The following DPP10 variants were observed in gnomAD, a reference collection of about 807,000 sequenced individuals.
The protein encoded by DPP10 is inactive dipeptidyl peptidase 10.
Under a neutral mutation model 120.9 loss-of-function variants are expected in DPP10, and 33 were observed. The observed-to-expected ratio is 0.27, with a 90% CI of 0.21 to 0.37. The LOEUF (loss-of-function observed/expected upper bound fraction) is 0.37, where lower values mean the gene tolerates loss of function less well. Ranked by LOEUF, DPP10 falls within the 10% of genes least tolerant of loss-of-function variation. The pLI, the probability that DPP10 is intolerant of heterozygous loss-of-function variation, is 1.00. For missense variants in DPP10, 816 were observed against 942.8 expected (o/e 0.87, Z 1.76); for synonymous variants, 337 against 326.1 (o/e 1.03, Z -0.36).
intron 3 of DPP10, among the ~76,000 whole-genome samples, chr2:115,473,686 C>T (rs921785975): frequency 6.6e-6 from 1 of 152,150 alleles, no homozygotes; most frequent in Non-Finnish European, 1.5e-5. Flanking sequence ...TTATGTAACA[C>T]TCTAGAAATC....
intron 3 of DPP10, among the ~76,000 whole-genome samples, chr2:115,480,579 C>T (rs1451379968): frequency 6.6e-6 from 1 of 152,018 alleles, no homozygotes; most frequent in African/African-American, 2.4e-5. Flanking sequence ...GTTATCTACC[C>T]TTTTATCATA....
intron 1 of DPP10, among the ~76,000 whole-genome samples, chr2:114,910,009 T>C (rs1170534375): frequency 6.6e-6 from 1 of 151,784 alleles, no homozygotes; most frequent in East Asian, 1.9e-4. Context: ...TCTATATCTA[T>C]ATATAAACAT....
intron 1 of DPP10, among the ~76,000 whole-genome samples, chr2:114,568,064 A>AG: frequency 6.6e-6 from 1 of 152,104 alleles, no homozygotes; most frequent in South Asian, 2.1e-4. Flanking sequence ...AAAAAAAAAA[A>AG]AAAGTGTCCA....
At chr2:115,162,355 C>T (rs2104975407) in intron 1 of DPP10, 1 of 1,392,910 alleles carries the variant, frequency 7.2e-7, no homozygotes, top group Non-Finnish European at 9.4e-7. Flanking sequence ...GGAATGGGGC[C>T]TCTTGGTTCC....
intron 1 of DPP10, among the ~76,000 whole-genome samples, chr2:114,505,267 G>C (rs1683548694): frequency 6.6e-6 from 1 of 150,514 alleles, no homozygotes; most frequent in Non-Finnish European, 1.5e-5. Flanking sequence ...AAGACAAAGG[G>C]ATTTGGGCTA....
At chr2:115,560,448 G>A (rs1362266703) in intron 5 of DPP10, among the ~76,000 whole-genome samples, 4 of 53,080 alleles carry the variant, frequency 7.5e-5, no homozygotes, top group African/African-American at 1.4e-4. Context: ...ATATATATAC[G>A]ACAAGCTACT....
chr2:114,857,816 T>C lies in DPP10; in HGVS notation c.60+414978T>C, dbSNP rs536452046. Among the ~76,000 whole-genome samples, 10 of 152,312 alleles carry C rather than the reference T, an allele frequency of 6.6e-5. 1 individual carries two copies. In the South Asian group the frequency reaches 2.1e-3, roughly 32 times the overall value. On this transcript the variant is annotated intron_variant, in intron 1 of 25. Coordinates refer to ENST00000410059, the MANE Select transcript of DPP10 (RefSeq NM_020868.6). ...TGGAGGTAAAAGTGATGAACTCTCC[T>C]AAGAAGCAATTGTCCTTACTTTAAT... is the stretch of plus-strand genomic sequence containing the variant.
At chr2:114,939,363 A>G (rs767965367) in intron 1 of DPP10, among the ~76,000 whole-genome samples, 1 of 152,106 alleles carries the variant, frequency 6.6e-6, no homozygotes, top group Non-Finnish European at 1.5e-5. Context: ...TATTTCGCTA[A>G]GTTGTGTACT....
chr2:115,506,179 A>G (rs916183621), intron 4 of DPP10, among the ~76,000 whole-genome samples: 8 of 152,112 alleles, frequency 5.3e-5, no homozygotes, highest in African/African-American at 1.9e-4. Flanking sequence ...TGCGTTGCCA[A>G]AACTTCTGCA....
At chr2:115,170,421 T>C (rs2053228646) in intron 1 of DPP10, among the ~76,000 whole-genome samples, 2 of 152,168 alleles carry the variant, frequency 1.3e-5, no homozygotes, top group Non-Finnish European at 2.9e-5. Context: ...TATATCTTTT[T>C]GAGAGGAAAA....
chr2:115,829,788 T>C (rs1052306478), intron 21 of DPP10, among the ~76,000 whole-genome samples: 2 of 152,098 alleles, frequency 1.3e-5, no homozygotes, highest in African/African-American at 4.8e-5. Flanking sequence ...AATTGTGTCA[T>C]TTTCTCAGTG....
chr2:115,840,808 G>T lies in DPP10; in HGVS notation c.2241G>T (p.Val747=). ...ELIKHLIKAG[V]NYTMQVYPDE... is the part of the protein sequence containing the mutation. Reference sequence around the variant, plus strand: ...TCAAGCACCTAATAAAAGCTGGAGTGAATTATACTATGCAGGTAAGCTACT... The same window carrying T: ...TCAAGCACCTAATAAAAGCTGGAGTTAATTATACTATGCAGGTAAGCTACT... The change falls in exon 25 of 26, where the codon GTG becomes GTT. Residue 747 remains valine, a synonymous_variant. Coordinates refer to ENST00000410059, the MANE Select transcript of DPP10 (RefSeq NM_020868.6). 6.2e-7 allele frequency: 1 copy of T among 1,613,306 alleles called. No homozygotes were observed. Among genetic ancestry groups the T allele is most frequent in the Non-Finnish European group, 8.5e-7 (1 of 1,179,638 alleles).
chr2:114,977,672 T>G (rs1379829279), intron 1 of DPP10, among the ~76,000 whole-genome samples: 2 of 152,120 alleles, frequency 1.3e-5, no homozygotes, highest in African/African-American at 4.8e-5. Context: ...AAGTCCTACA[T>G]TGCTGTGTAA....
chr2:115,054,918 C>T (rs552077344), intron 1 of DPP10, among the ~76,000 whole-genome samples: 99 of 152,104 alleles, frequency 6.5e-4, no homozygotes, highest in African/African-American at 2.1e-3. Flanking sequence ...TCTCAAAAAA[C>T]GAAAGAAAAA....
intron 1 of DPP10, among the ~76,000 whole-genome samples, chr2:115,067,584 C>T (rs1401404883): frequency 2.9e-5 from 4 of 139,004 alleles, no homozygotes; most frequent in African/African-American, 1.0e-4. Context: ...AGAAAAATGG[C>T]CGGGCGCGGT....
chr2:115,627,722 C>G (rs1427956573), intron 5 of DPP10, among the ~76,000 whole-genome samples: 1 of 152,048 alleles, frequency 6.6e-6, no homozygotes, highest in Non-Finnish European at 1.5e-5. Context: ...TTGTTCCCCT[C>G]CCTGTGTCAA....
chr2:115,499,755 T>C (rs920458556), intron 4 of DPP10, 151 bp downstream of exon 4: 5 of 502,124 alleles, frequency 1.0e-5, no homozygotes, highest in African/African-American at 2.0e-5. Flanking sequence ...TCAGTAAATC[T>C]ATTGATAAAA....
intron 1 of DPP10, among the ~76,000 whole-genome samples, chr2:115,211,693 CAATT>C (rs914064689): frequency 1.3e-5 from 2 of 151,786 alleles, no homozygotes; most frequent in Non-Finnish European, 2.9e-5. Flanking sequence ...GAAGCAATAA[CAATT>C]AATACAACTT....
chr2:115,841,052 C>T (rs537550239), intron 25 of DPP10, among the ~76,000 whole-genome samples: 2 of 151,810 alleles, frequency 1.3e-5, no homozygotes, highest in Non-Finnish European at 2.9e-5. Context: ...TCCTCTCAGA[C>T]TTATTCATAT....
Sources: allele counts gnomAD v4.1 joint callset (sites outside exome capture counted in the v4.1 genomes callset), GRCh38; gene constraint gnomAD v4.1.1; transcripts MANE v1.5; gene names NCBI Gene and HGNC (gene_info 2026-07-23, HGNC 2026-07-21).